Variants in KIF16B observed in about 807,000 individuals in gnomAD.
KIF16B encodes the protein kinesin family member 16B, also known as kinesin-like protein KIF16B.
In KIF16B, 98 loss-of-function variants were observed where a neutral mutation model predicts 156.3. That is an observed-to-expected ratio of 0.63 (90% CI 0.53 to 0.74). The LOEUF (loss-of-function observed/expected upper bound fraction) is 0.74. Among genes scored for constraint, KIF16B ranks in the 30% least tolerant of loss-of-function variants. The pLI is 0.00. For synonymous variants in KIF16B, 564 were observed against 583.7 expected (o/e 0.97, Z 0.49); for missense variants, 1,421 against 1,606.5 (o/e 0.88, Z 1.97).
chr20:16,541,305 T>C (rs1158295872), intron 1 of KIF16B, among the ~76,000 whole-genome samples: 1 of 152,198 alleles, frequency 6.6e-6, no homozygotes, highest in African/African-American at 2.4e-5. Flanking sequence ...CCTGACTTCA[T>C]TTTGGCTTCT....
rs1025355958 is a variant in KIF16B at position 16,326,468 on chromosome 20, AG to A, written c.3711+9457del. Among the ~76,000 whole-genome samples, 14 of 151,812 alleles carry A rather than the reference AG, an allele frequency of 9.2e-5. No individual in the cohort carries two copies. In the East Asian group the frequency reaches 2.5e-3, roughly 27 times the overall value. On this transcript the variant is annotated intron_variant, in intron 24 of 25. Coordinates refer to ENST00000354981, the MANE Select transcript of KIF16B (RefSeq NM_024704.5). Reference sequence around the variant, plus strand: ...AGAAATCAGCAAAAAAAAAAGAAAAAGAAAAAAAAACCCAAATAATCCCATC... The same window carrying A: ...AGAAATCAGCAAAAAAAAAAGAAAAAAAAAAAAAACCCAAATAATCCCATC...
In KIF16B at chr20:16,497,686, A is replaced by G. The variant is rs762207057; in HGVS notation, c.1177-8T>C. 2.5e-6 allele frequency: 4 copies of G among 1,584,498 alleles called. No individual in the cohort carries two copies. Among genetic ancestry groups the G allele is most frequent in the South Asian group, 1.1e-5 (1 of 88,966 alleles). On this transcript the variant is annotated splice_polypyrimidine_tract_variant and splice_region_variant and intron_variant, in intron 10 of 25. Coordinates refer to ENST00000354981, the MANE Select transcript of KIF16B (RefSeq NM_024704.5). ...GGAGTCTAAGAGGGCAATCTACAAT[A>G]TAAACCATAAAAGAAATCAGCAATT...
At chr20:16,413,400 G>C (rs183361882) in intron 15 of KIF16B, among the ~76,000 whole-genome samples, 18 of 152,170 alleles carry the variant, frequency 1.2e-4, no homozygotes, top group African/African-American at 4.1e-4. Context: ...AAGGAATGCA[G>C]GGACAATAAT....
intron 12 of KIF16B, among the ~76,000 whole-genome samples, chr20:16,475,767 AG>A (rs1271930749): frequency 1.3e-5 from 2 of 152,254 alleles, no homozygotes; most frequent in Non-Finnish European, 2.9e-5. Flanking sequence ...TGACACAAAA[AG>A]CTTTCTAATA....
intron 22 of KIF16B, among the ~76,000 whole-genome samples, chr20:16,363,198 C>T (rs138566049): frequency 8.5e-5 from 13 of 152,196 alleles, no homozygotes; most frequent in Admixed American, 4.6e-4. Context: ...GAGGGTGCCA[C>T]GGATGAACAG....
chr20:16,365,494 C>A (rs2064644151), intron 22 of KIF16B, among the ~76,000 whole-genome samples: 1 of 152,162 alleles, frequency 6.6e-6, no homozygotes, highest in Non-Finnish European at 1.5e-5. Context: ...CCAAATGCCT[C>A]CACTGGTCAG....
At position 16,404,822 on chromosome 20, in the gene KIF16B, T is replaced by C. The variant is rs779500281; in HGVS notation, c.1775A>G (p.Tyr592Cys). 6.8e-6 allele frequency: 11 copies of C among 1,612,362 alleles called. No homozygotes were observed. In the East Asian group the frequency reaches 2.0e-4, roughly 29 times the overall value. Residue 592 changes from tyrosine (Y) to cysteine (C), a missense_variant, in exon 17 of 26, where the codon TAT becomes TGT. Tyr to Cys is a radical substitution (Grantham distance 194). Transcript: ENST00000354981. ...SRENLSAVMLYNPGLEFERQQ... is the reference protein window; with the variant it reads ...SRENLSAVMLCNPGLEFERQQ... ...GCTGCTGTTCACTCACCCGGGGTTA[T>C]ACAACATGACTGCAGACAGGTTCTC...
chr20:16,429,300 AG>A (rs1395472987), intron 13 of KIF16B, among the ~76,000 whole-genome samples: 31 of 152,320 alleles, frequency 2.0e-4, no homozygotes, highest in African/African-American at 7.0e-4. Flanking sequence ...CCAGTGGCCA[AG>A]AGATTCTTTG....
chr20:16,388,381 T>C (rs2065276629), intron 17 of KIF16B, among the ~76,000 whole-genome samples: 1 of 152,208 alleles, frequency 6.6e-6, no homozygotes, highest in South Asian at 2.1e-4. Context: ...AATGTGAGTG[T>C]GTCATTATCA....
At chr20:16,554,680 G>T (rs564792458) in intron 1 of KIF16B, among the ~76,000 whole-genome samples, 2 of 152,352 alleles carry the variant, frequency 1.3e-5, no homozygotes, top group South Asian at 4.1e-4. Flanking sequence ...GGAGAGAAGA[G>T]GGGAGAGAAG....
chr20:16,278,817 C>A (rs1179418018), intron 25 of KIF16B, among the ~76,000 whole-genome samples: 1 of 152,230 alleles, frequency 6.6e-6, no homozygotes, highest in Non-Finnish European at 1.5e-5. Flanking sequence ...CCATCCCCTG[C>A]TTCTCAGTCA....
At chr20:16,452,068 G>T (rs1472034406) in intron 12 of KIF16B, among the ~76,000 whole-genome samples, 1 of 152,156 alleles carries the variant, frequency 6.6e-6, no homozygotes. Flanking sequence ...GGGTGGGTCT[G>T]TAAGTAGCAG....
At chr20:16,330,837 AGTT>A (rs1473027000) in intron 24 of KIF16B, among the ~76,000 whole-genome samples, 1 of 152,172 alleles carries the variant, frequency 6.6e-6, no homozygotes. Context: ...CTGCCTATGG[AGTT>A]GTTATAAGAG....
chr20:16,530,797 G>A (rs1377699324), intron 1 of KIF16B, among the ~76,000 whole-genome samples: 1 of 151,984 alleles, frequency 6.6e-6, no homozygotes, highest in Non-Finnish European at 1.5e-5. Flanking sequence ...CACCTCCTAG[G>A]CTCAAGCGAT....
chr20:16,571,324 C>T (rs1413072948), intron 1 of KIF16B, among the ~76,000 whole-genome samples: 1 of 152,178 alleles, frequency 6.6e-6, no homozygotes, highest in Non-Finnish European at 1.5e-5. Context: ...TAATCACCTG[C>T]CTCTTACCTC....
chr20:16,555,682 C>A (rs1191293694), intron 1 of KIF16B, among the ~76,000 whole-genome samples: 1 of 152,178 alleles, frequency 6.6e-6, no homozygotes, highest in Non-Finnish European at 1.5e-5. Context: ...AAATACATCA[C>A]CTTTATTCAG....
intron 10 of KIF16B, among the ~76,000 whole-genome samples, chr20:16,501,088 C>T (rs946501155): frequency 1.1e-4 from 16 of 151,802 alleles, no homozygotes; most frequent in African/African-American, 3.6e-4. Flanking sequence ...AAATACTCAG[C>T]TTCATCAATC....
rs536499971 is a variant in KIF16B at position 16,310,687 on chromosome 20, G to C, written c.3795+1648C>G. 1.1e-4 allele frequency among the ~76,000 whole-genome samples: 16 copies of C among 152,136 alleles called. No homozygotes were observed. In the South Asian group the frequency reaches 3.1e-3, roughly 30 times the overall value. On this transcript the variant is annotated intron_variant, in intron 25 of 25. Transcript: ENST00000354981. ...CTACTGTAATTTTTTAATTTTTTTT[G>C]TATGATACAATCAAACCTTTGAGAA...
intron 23 of KIF16B, among the ~76,000 whole-genome samples, chr20:16,346,236 T>C (rs928272553): frequency 6.6e-6 from 1 of 152,148 alleles, no homozygotes; most frequent in Admixed American, 6.5e-5. Flanking sequence ...AGACAGCACA[T>C]TGCACAAGGA....
Sources: gnomAD v4.1 joint callset for allele counts (sites outside exome capture counted in the v4.1 genomes callset) on GRCh38, gnomAD v4.1.1 for gene constraint, MANE v1.5 for transcripts, NCBI Gene and HGNC (gene_info 2026-07-23, HGNC 2026-07-21) for gene names.